The following SASH1 variants were observed in gnomAD, a reference collection of about 807,000 sequenced individuals.
SASH1 encodes the protein SAM and SH3 domain-containing protein 1.
In SASH1, 44 loss-of-function variants were observed where a neutral mutation model predicts 125.2. That is an observed-to-expected ratio of 0.35 (90% CI 0.28 to 0.45). The LOEUF (loss-of-function observed/expected upper bound fraction) is 0.45. Ranked by LOEUF, SASH1 falls within the 20% of genes least tolerant of loss-of-function variation. SASH1 has a pLI of 1.00. For synonymous variants in SASH1, 639 were observed against 649.1 expected (o/e 0.98, Z 0.24); for missense variants, 1,426 against 1,614.5 (o/e 0.88, Z 2.00).
chr6:148,199,266 C>A, the SASH1 span, among the ~76,000 whole-genome samples: 5 of 151,876 alleles, frequency 3.3e-5, no homozygotes, highest in African/African-American at 9.7e-5. Context: ...CCCAGCTACT[C>A]AGGAGGCTGA....
At chr6:148,525,259 G>A in intron 10 of SASH1, 32 bp from the exon 11 acceptor site, 1 of 1,593,250 alleles carries the variant, frequency 6.3e-7, no homozygotes, top group Non-Finnish European at 8.6e-7. Flanking sequence ...AAGCATAACT[G>A]AAGTTTTTCT....
intron 1 of SASH1, among the ~76,000 whole-genome samples, chr6:148,302,702 C>CACAG (rs1780002014): frequency 2.1e-5 from 3 of 145,502 alleles, no homozygotes; most frequent in African/African-American, 7.6e-5. Flanking sequence ...TATATACACA[C>CACAG]TGTGTATATA....
intron 1 of SASH1, among the ~76,000 whole-genome samples, chr6:148,297,162 CTG>C (rs1230769669): frequency 1.9e-4 from 29 of 152,234 alleles, no homozygotes; most frequent in African/African-American, 6.5e-4. Flanking sequence ...GAGTAGGACT[CTG>C]GGCATGGTGC....
chr6:148,282,199 G>A (rs1248895053), intron 1 of SASH1, among the ~76,000 whole-genome samples: 1 of 152,152 alleles, frequency 6.6e-6, no homozygotes, highest in East Asian at 1.9e-4. Context: ...GCAGGAAACT[G>A]GCATGGCCAT....
intron 1 of SASH1, among the ~76,000 whole-genome samples, chr6:148,287,699 GGGT>G (rs201967576): frequency 2.8e-4 from 31 of 111,676 alleles, no homozygotes; most frequent in African/African-American, 9.4e-4. Flanking sequence ...GTGTGTGGGG[GGGT>G]GGGGGGTGGT....
At chr6:148,456,527 G>A (rs556260737) in intron 4 of SASH1, among the ~76,000 whole-genome samples, 47 of 152,304 alleles carry the variant, frequency 3.1e-4, no homozygotes, top group East Asian at 7.7e-4. Context: ...TAGAGCAAAC[G>A]AATAATTTTG....
rs1410053103 is a variant in SASH1 at position 148,299,221 on chromosome 6, A to C, written n.74+26844A>C. Among the ~76,000 whole-genome samples, 3 of 152,324 alleles carry C rather than the reference A, an allele frequency of 2.0e-5. No homozygotes were observed. In the East Asian group the frequency reaches 5.8e-4, roughly 29 times the overall value. On this transcript the variant is annotated intron_variant and non_coding_transcript_variant, in intron 1 of 3. Coordinates refer to the SASH1 transcript ENST00000367469. ...GGCTTTATATTCTAGAGAATGGTGA[A>C]GTTTAAACTATAGCCAGTTGCTGGA...
intron 1 of SASH1, among the ~76,000 whole-genome samples, chr6:148,353,655 G>A (rs1345398983): frequency 2.6e-5 from 4 of 151,804 alleles, no homozygotes; most frequent in Non-Finnish European, 4.4e-5. Context: ...GGCTAGTCTC[G>A]AACTCCTGAC....
chr6:148,416,984 G>A (rs1784846138), intron 2 of SASH1, among the ~76,000 whole-genome samples: 1 of 152,170 alleles, frequency 6.6e-6, no homozygotes, highest in South Asian at 2.1e-4. Flanking sequence ...ACAAGATAAT[G>A]GGGTAGAGGT....
the SASH1 span, among the ~76,000 whole-genome samples, chr6:148,194,865 C>T: frequency 3.9e-5 from 6 of 152,224 alleles, no homozygotes; most frequent in Admixed American, 3.9e-4. Flanking sequence ...GAGATCGCGC[C>T]ACTGCACTCC....
At chr6:148,229,083 A>G in the SASH1 span, among the ~76,000 whole-genome samples, 2 of 147,362 alleles carry the variant, frequency 1.4e-5, no homozygotes, top group African/African-American at 5.0e-5. Flanking sequence ...GCAGTGAGCC[A>G]AGATCGCACT....
the SASH1 span, among the ~76,000 whole-genome samples, chr6:148,208,584 T>C: frequency 6.6e-6 from 1 of 152,228 alleles, no homozygotes; most frequent in Non-Finnish European, 1.5e-5. Context: ...TAATAAATCA[T>C]GGCATTTCTG....
chr6:148,223,298 A>T, the SASH1 span, among the ~76,000 whole-genome samples: 1 of 152,264 alleles, frequency 6.6e-6, no homozygotes, highest in African/African-American at 2.4e-5. Flanking sequence ...AACTAGGATT[A>T]CATGAGTTAA....
intron 8 of SASH1, among the ~76,000 whole-genome samples, chr6:148,510,643 T>C (rs1780059937): frequency 6.6e-6 from 1 of 152,036 alleles, no homozygotes; most frequent in African/African-American, 2.4e-5. Flanking sequence ...ATATATTTTT[T>C]ATGTTTATAA....
chr6:148,454,748 A>G (rs375516360), intron 4 of SASH1, among the ~76,000 whole-genome samples: 47 of 152,268 alleles, frequency 3.1e-4, no homozygotes, highest in African/African-American at 1.1e-3. Flanking sequence ...GAGAACTGTG[A>G]AGAGAGGGAG....
intron 4 of SASH1, among the ~76,000 whole-genome samples, chr6:148,448,235 T>A (rs1050816565): frequency 1.3e-5 from 2 of 152,120 alleles, no homozygotes; most frequent in African/African-American, 4.8e-5. Context: ...ACAGAAGATA[T>A]TCCATAATGT....
chr6:148,490,252 A>G lies in SASH1; in HGVS notation c.729+2537A>G, dbSNP rs987166262. ...TGATAAGAGTATTGCTCTGTCACCCAGGCTGGAGTACAGTGGCGCGATCTC... is the reference window on the plus strand; with the variant it reads ...TGATAAGAGTATTGCTCTGTCACCCGGGCTGGAGTACAGTGGCGCGATCTC... On this transcript the variant is annotated intron_variant, in intron 8 of 19. Transcript: ENST00000367467. Among the ~76,000 whole-genome samples, 10 of 151,794 alleles carry G rather than the reference A, an allele frequency of 6.6e-5. No individual in the cohort carries two copies. In the East Asian group the frequency reaches 1.9e-3, roughly 29 times the overall value.
At chr6:148,362,154 C>G (rs1308025208) in intron 1 of SASH1, among the ~76,000 whole-genome samples, 1 of 151,510 alleles carries the variant, frequency 6.6e-6, no homozygotes, top group Non-Finnish European at 1.5e-5. Context: ...GTCTCGATAT[C>G]CTGACCTTGT....
intron 1 of SASH1, among the ~76,000 whole-genome samples, chr6:148,372,612 A>G (rs538028354): frequency 6.6e-6 from 1 of 152,234 alleles, no homozygotes; most frequent in Non-Finnish European, 1.5e-5. Context: ...GCATAAAGCA[A>G]TATATAAATT....
Sources: gnomAD v4.1 joint callset for allele counts (sites outside exome capture counted in the v4.1 genomes callset) on GRCh38, gnomAD v4.1.1 for gene constraint, MANE v1.5 for transcripts, NCBI Gene and HGNC (gene_info 2026-07-23, HGNC 2026-07-21) for gene names.